Variants in COL5A2 observed in about 807,000 individuals in gnomAD.
COL5A2 encodes the protein collagen alpha-2(V) chain.
Under a neutral mutation model 208.2 loss-of-function variants are expected in COL5A2, and 23 were observed. The observed-to-expected ratio is 0.11, with a 90% confidence interval of 0.08 to 0.16. The LOEUF (loss-of-function observed/expected upper bound fraction) is 0.16. COL5A2 is among the 10% of genes least tolerant of loss of function. The probability of loss-of-function intolerance (pLI) is 1.00; values close to 1 mark genes in which losing one functional copy is unlikely to be tolerated. For synonymous variants in COL5A2, 625 were observed against 628.5 expected, an observed-to-expected ratio of 0.99 and a Z score of 0.08; for missense variants, 1,590 against 1,956.4, an observed-to-expected ratio of 0.81 and a Z score of 3.53.
the COL5A2 span, among the ~76,000 whole-genome samples, chr2:189,377,820 A>G: frequency 6.6e-6 from 1 of 152,204 alleles, no homozygotes; most frequent in Non-Finnish European, 1.5e-5. Context: ...TACAAGCATG[A>G]TTATTTGTTT....
At chr2:189,141,764 C>T (rs1040294663) in intron 1 of COL5A2, among the ~76,000 whole-genome samples, 26 of 152,092 alleles carry the variant, frequency 1.7e-4, no homozygotes, top group African/African-American at 6.3e-4. Context: ...TTAAGCAAAC[C>T]GTCCTTTTAA....
the COL5A2 span, among the ~76,000 whole-genome samples, chr2:189,339,679 T>C: frequency 2.0e-5 from 3 of 152,042 alleles, no homozygotes; most frequent in African/African-American, 2.4e-5. Context: ...TAACTATGTG[T>C]GGGAAAATAG....
chr2:189,129,161 A>G (rs1247885847), intron 1 of COL5A2, among the ~76,000 whole-genome samples: 1 of 151,952 alleles, frequency 6.6e-6, no homozygotes, highest in Non-Finnish European at 1.5e-5. Flanking sequence ...AAAAAAAAAG[A>G]AAAACATTTC....
chr2:189,050,094 C>A (rs1414598524), intron 43 of COL5A2, among the ~76,000 whole-genome samples: 1 of 152,078 alleles, frequency 6.6e-6, no homozygotes, highest in Non-Finnish European at 1.5e-5. Context: ...CCTAAAGCAC[C>A]CTCCAGGGAA....
chr2:189,350,623 A>T, the COL5A2 span, among the ~76,000 whole-genome samples: 1 of 152,154 alleles, frequency 6.6e-6, no homozygotes, highest in Non-Finnish European at 1.5e-5. Flanking sequence ...TTTGTGACTA[A>T]TTATGTTTGT....
the COL5A2 span, among the ~76,000 whole-genome samples, chr2:189,426,881 C>T: frequency 6.6e-6 from 1 of 152,152 alleles, no homozygotes; most frequent in African/African-American, 2.4e-5. Context: ...AAGAAATGAC[C>T]TAAAACTGAA....
At chr2:189,291,664 A>G in the COL5A2 span, among the ~76,000 whole-genome samples, 1 of 152,130 alleles carries the variant, frequency 6.6e-6, no homozygotes, top group Non-Finnish European at 1.5e-5. Context: ...ACATTTGGAA[A>G]TTATGACTCA....
chr2:189,406,624 A>C, the COL5A2 span, among the ~76,000 whole-genome samples: 1 of 152,186 alleles, frequency 6.6e-6, no homozygotes, highest in African/African-American at 2.4e-5. Context: ...TGATTGACAC[A>C]GATCTGACCT....
chr2:189,266,797 T>A, the COL5A2 span, among the ~76,000 whole-genome samples: 23 of 152,116 alleles, frequency 1.5e-4, no homozygotes, highest in Non-Finnish European at 2.9e-5. Context: ...AAAGATGTTA[T>A]AAAAGATATG....
At chr2:189,312,853 G>T in the COL5A2 span, among the ~76,000 whole-genome samples, 1 of 151,060 alleles carries the variant, frequency 6.6e-6, no homozygotes, top group African/African-American at 2.4e-5. Flanking sequence ...CTACTGAAAA[G>T]TAGCTAGACT....
intron 1 of COL5A2, among the ~76,000 whole-genome samples, chr2:189,211,774 A>G (rs1365361129): frequency 6.6e-6 from 1 of 152,242 alleles, no homozygotes; most frequent in African/African-American, 2.4e-5. Context: ...GTGACTGCAT[A>G]GTTTTTGGCT....
chr2:189,144,774 T>C (rs550756597), intron 1 of COL5A2, among the ~76,000 whole-genome samples: 8 of 152,156 alleles, frequency 5.3e-5, no homozygotes, highest in Admixed American at 1.3e-4. Context: ...GTAAGCACAG[T>C]TGGGGCACTA....
the COL5A2 span, among the ~76,000 whole-genome samples, chr2:189,243,986 CAGCTGGAGA>C: frequency 2.0e-5 from 3 of 152,186 alleles, no homozygotes; most frequent in African/African-American, 7.2e-5. Context: ...CTTTCAGCCA[CAGCTGGAGA>C]AGCTGGGACA....
chr2:189,352,624 T>G, the COL5A2 span, among the ~76,000 whole-genome samples: 1 of 152,216 alleles, frequency 6.6e-6, no homozygotes, highest in Non-Finnish European at 1.5e-5. Flanking sequence ...TCATATCCTT[T>G]GCCCACTTTT....
At chr2:189,412,354 A>C in the COL5A2 span, among the ~76,000 whole-genome samples, 1 of 152,236 alleles carries the variant, frequency 6.6e-6, no homozygotes, top group South Asian at 2.1e-4. Flanking sequence ...ACTTTTGTAC[A>C]TAAAGACCAC....
the COL5A2 span, among the ~76,000 whole-genome samples, chr2:189,416,140 G>C: frequency 6.6e-6 from 1 of 152,134 alleles, no homozygotes; most frequent in South Asian, 2.1e-4. Flanking sequence ...AACCATTGTG[G>C]AAGTCAGTGT....
intron 1 of COL5A2, among the ~76,000 whole-genome samples, chr2:189,154,048 A>C (rs556685006): frequency 6.6e-5 from 10 of 152,286 alleles, no homozygotes; most frequent in African/African-American, 2.4e-4. Context: ...ACATTTTATG[A>C]GTCAATGTTA....
In COL5A2 at chr2:189,057,443, A is replaced by G. The variant is rs375334470; in HGVS notation, c.2230-16T>C. The stretch of plus-strand genomic sequence containing the variant: ...CTGGACTGCCCTAAAATGAACCAAC[A>G]TTAAGTGACCATACCAATAATATTA... On this transcript the variant is annotated splice_polypyrimidine_tract_variant and intron_variant, in intron 33 of 53. Coordinates refer to ENST00000374866, the MANE Select transcript of COL5A2 (RefSeq NM_000393.5). 1 of 1,543,180 alleles carries G rather than the reference A, an allele frequency of 6.5e-7. No homozygotes were observed. The highest frequency in any genetic ancestry group is 1.7e-5 in the Admixed American group (1 of 59,934).
rs1340153865 is a variant in COL5A2 at position 189,061,547 on chromosome 2, C to T, written c.2031+15G>A. 9 of 1,600,184 alleles carry T rather than the reference C, an allele frequency of 5.6e-6. No individual in the cohort carries two copies. Among genetic ancestry groups the T allele is most frequent in the African/African-American group, 4.0e-5 (3 of 74,266 alleles). ...GTTAATGGAAGATGAAATGGAAAAC[C>T]GAATTAGTGCATACCTGAAAACCTG... On this transcript the variant is annotated intron_variant, in intron 30 of 53. Coordinates refer to ENST00000374866, the MANE Select transcript of COL5A2 (RefSeq NM_000393.5).
Sources: gnomAD v4.1 joint callset for allele counts (sites outside exome capture counted in the v4.1 genomes callset) on GRCh38, gnomAD v4.1.1 for gene constraint, MANE v1.5 for transcripts, NCBI Gene and HGNC (gene_info 2026-07-23, HGNC 2026-07-21) for gene names.